UNC5A: variants seen among roughly 807,000 people sequenced by gnomAD.
UNC5A encodes the protein unc-5 netrin receptor A.
A neutral mutation model predicts 87.4 loss-of-function variants in UNC5A; 20 were observed. That is an observed-to-expected ratio of 0.23 (90% confidence interval 0.16 to 0.33). The LOEUF is 0.33. Among genes scored for constraint, UNC5A ranks in the 10% least tolerant of loss-of-function variants. The pLI, the probability that UNC5A is intolerant of heterozygous loss-of-function variation, is 1.00. For missense variants in UNC5A, 844 were observed against 1,133.4 expected (o/e 0.74, Z 3.67); for synonymous variants, 438 against 482.3 (o/e 0.91, Z 1.20).
chr5:176,860,633 A>G (rs553339629), intron 1 of UNC5A, among the ~76,000 whole-genome samples: 9 of 151,974 alleles, frequency 5.9e-5, no homozygotes, highest in African/African-American at 1.9e-4. Flanking sequence ...TTCCCCGTCA[A>G]TAAGGTGTCT....
At chr5:176,832,481 C>A (rs1426407871) in intron 1 of UNC5A, among the ~76,000 whole-genome samples, 1 of 152,168 alleles carries the variant, frequency 6.6e-6, no homozygotes, top group East Asian at 1.9e-4. Flanking sequence ...TGAATCATGC[C>A]TCACTTTCCA....
intron 1 of UNC5A, among the ~76,000 whole-genome samples, chr5:176,846,246 G>T (rs778789835): frequency 2.1e-4 from 32 of 152,126 alleles, no homozygotes; most frequent in Non-Finnish European, 4.1e-4. Flanking sequence ...GAGGAGCCCT[G>T]GAGGCTGAGC....
In UNC5A at chr5:176,869,131, A is replaced by G. The variant is rs370513269; in HGVS notation, c.721+167A>G. Among the ~76,000 whole-genome samples, 1 of 152,286 alleles carries G rather than the reference A, an allele frequency of 6.6e-6. No homozygotes were observed. The highest frequency in any genetic ancestry group is 1.9e-4 in the East Asian group (1 of 5,170). ...GGCTCTCTGTGACTGCTGGGGGCCC[A>G]GGGGCATGTCTGGGCAAAGGAGTGG... On this transcript the variant is annotated intron_variant, in intron 5 of 14. Coordinates refer to ENST00000329542, the MANE Select transcript of UNC5A (RefSeq NM_133369.3). The surrounding 1 kb of genome is among the most constrained non-coding windows in gnomAD (Gnocchi z 9.1).
intron 1 of UNC5A, among the ~76,000 whole-genome samples, chr5:176,859,196 C>A: frequency 2.0e-5 from 1 of 50,036 alleles, no homozygotes; most frequent in African/African-American, 1.0e-4. Context: ...CTAGAATGCC[C>A]TTGCTAGAGG....
chr5:176,868,982 C>G lies in UNC5A; in HGVS notation c.721+18C>G. ...CGTCTACGGTGGGCCCCGGGACTCC[C>G]TGGTCACAGGGAGAGGCACTGCGGT... On this transcript the variant is annotated intron_variant, in intron 5 of 14. Coordinates refer to ENST00000329542, the MANE Select transcript of UNC5A (RefSeq NM_133369.3). The G allele has an allele frequency of 6.3e-7, 1 of 1,582,688 alleles. No individual in the cohort carries two copies. The highest frequency in any genetic ancestry group is 8.6e-7 in the Non-Finnish European group (1 of 1,162,534).
In UNC5A at chr5:176,877,677, A is replaced by C. The variant is rs1284206347; in HGVS notation, c.1609A>C (p.Lys537Gln). Residue 537 changes from lysine (K) to glutamine (Q), a missense_variant, in exon 10 of 15, where the codon AAG (lysine) becomes CAG (glutamine). Transcript: ENST00000329542. ...SPDSWSLRLK[K>Q]QSCEGSWEDV... ...TGACAGCTGGAGCCTGCGCCTCAAA[A>C]AGCAGTCGTGCGAGGGCAGCTGGGA... 2 of 1,608,708 alleles carry C rather than the reference A, an allele frequency of 1.2e-6. No homozygotes were observed. The highest frequency in any genetic ancestry group is 1.7e-6 in the Non-Finnish European group (2 of 1,176,916).
intron 5 of UNC5A, 101 bp from the exon 6 acceptor site, chr5:176,870,269 C>T: frequency 6.9e-7 from 1 of 1,452,124 alleles, no homozygotes; most frequent in East Asian, 2.4e-5. Flanking sequence ...GGCTGCCTTG[C>T]ACTGCCTGGT....
chr5:176,832,889 C>A (rs1757062415), intron 1 of UNC5A, among the ~76,000 whole-genome samples: 1 of 152,172 alleles, frequency 6.6e-6, no homozygotes, highest in African/African-American at 2.4e-5. Context: ...ACTGACGAGG[C>A]CATGACAGGC....
At chr5:176,822,373 G>A (rs1406865693) in intron 1 of UNC5A, among the ~76,000 whole-genome samples, 1 of 152,192 alleles carries the variant, frequency 6.6e-6, no homozygotes, top group Non-Finnish European at 1.5e-5. Context: ...AATCTGAGCA[G>A]GATCTTCGAT....
intron 1 of UNC5A, among the ~76,000 whole-genome samples, chr5:176,858,718 A>ATAAG (rs397968459): frequency 3.3e-5 from 1 of 29,974 alleles, no homozygotes; most frequent in Non-Finnish European, 6.9e-5. Flanking sequence ...AGAAAGAGAG[A>ATAAG]GAGAGAAGGA....
At chr5:176,860,595 G>A (rs1241080195) in intron 1 of UNC5A, among the ~76,000 whole-genome samples, 2 of 152,082 alleles carry the variant, frequency 1.3e-5, no homozygotes, top group Non-Finnish European at 2.9e-5. Flanking sequence ...TGGAGGCTCT[G>A]GGGTAAGGGA....
intron 2 of UNC5A, chr5:176,864,668 A>G (rs1350312496): frequency 1.9e-5 from 6 of 321,360 alleles, no homozygotes; most frequent in African/African-American, 8.9e-5. Flanking sequence ...CCCTCCCCCA[A>G]GTGTCGTCTC....
chr5:176,840,464 C>T (rs920039760), intron 1 of UNC5A, among the ~76,000 whole-genome samples: 6 of 152,218 alleles, frequency 3.9e-5, no homozygotes, highest in African/African-American at 1.4e-4. Flanking sequence ...CTCTTTTGTG[C>T]TCCTGTTTTA....
intron 1 of UNC5A, among the ~76,000 whole-genome samples, chr5:176,852,827 T>C (rs772673970): frequency 3.5e-4 from 53 of 152,238 alleles, no homozygotes; most frequent in Non-Finnish European, 6.0e-4. Flanking sequence ...GTTTGCGACA[T>C]CTTGGCTCAG....
chr5:176,850,540 G>A (rs561248700), intron 1 of UNC5A, among the ~76,000 whole-genome samples: 27 of 152,164 alleles, frequency 1.8e-4, no homozygotes, highest in Admixed American at 9.2e-4. Context: ...TCGGGATGGC[G>A]CAGGCAGCGA....
intron 1 of UNC5A, 126 bp from the exon 2 acceptor site, chr5:176,862,498 A>T (rs1199739338): frequency 2.2e-6 from 2 of 904,378 alleles, no homozygotes; most frequent in East Asian, 2.6e-5. Context: ...CAGCTGGGAC[A>T]TGGCAGAGCC....
chr5:176,877,230 G>A lies in UNC5A; in HGVS notation c.1417G>A (p.Gly473Arg). 2 of 1,612,922 alleles carry A rather than the reference G, an allele frequency of 1.2e-6. No individual in the cohort carries two copies. The highest frequency in any genetic ancestry group is 1.7e-6 in the Non-Finnish European group (2 of 1,179,810). Residue 473 changes from glycine to arginine, a missense_variant, in exon 9 of 15, where the codon GGG becomes AGG. Physicochemically the swap from Gly to Arg is moderately radical, Grantham distance 125 (BLOSUM62 -2). This residue lies in a region of UNC5A where 353 missense variants were observed against 387.5 expected (regional missense o/e 0.91). Transcript: ENST00000329542. ...CATCCCCCCAGATGCCATACCCCGA[G>A]GGAAGATCTATGAGATCTACCTCAC... ...LLIPPDAIPR[G>R]KIYEIYLTLH...
intron 1 of UNC5A, among the ~76,000 whole-genome samples, chr5:176,842,182 G>A (rs939433279): frequency 5.9e-5 from 9 of 152,228 alleles, no homozygotes; most frequent in African/African-American, 2.2e-4. Context: ...GGATGATAGA[G>A]CGAGACTCCG....
In UNC5A at chr5:176,869,646, T is replaced by C; in HGVS notation, c.721+682T>C. The C allele has an allele frequency of 1.4e-6, 1 of 699,688 alleles. No homozygotes were observed. The highest frequency in any genetic ancestry group is 2.6e-6 in the Non-Finnish European group (1 of 383,350). The allele number at this position is 699,688 out of a possible 1,614,324, so 43.3% of individuals were successfully genotyped here. ...TGGGTGGTCGACGTGGACCGAGTGG[T>C]CCGTCTGCAGCGCCAGCTGTGGGCG... On this transcript the variant is annotated intron_variant, in intron 5 of 14. Coordinates refer to ENST00000329542, the MANE Select transcript of UNC5A (RefSeq NM_133369.3). The surrounding 1 kb of genome is among the most constrained non-coding windows in gnomAD (Gnocchi z 9.1).
Sources: gnomAD v4.1 joint callset for allele counts (sites outside exome capture counted in the v4.1 genomes callset) on GRCh38, gnomAD v4.1.1 for gene constraint, gnomAD v4.1.1 regional missense constraint, Gnocchi (gnomAD v3.1) non-coding constraint, MANE v1.5 for transcripts, NCBI Gene and HGNC (gene_info 2026-07-23, HGNC 2026-07-21) for gene names.